The following SPTA1 variants were observed in gnomAD, a reference collection of about 807,000 sequenced individuals.
SPTA1 encodes the protein spectrin alpha, erythrocytic 1.
In SPTA1, 177 loss-of-function variants were observed where a neutral mutation model predicts 324.7. That is an observed-to-expected ratio of 0.55 (90% confidence interval 0.48 to 0.62). The LOEUF is 0.62. Ranked by LOEUF, SPTA1 falls within the 20% of genes least tolerant of loss-of-function variation. The probability of loss-of-function intolerance (pLI) is 0.00; values close to 1 mark genes in which losing one functional copy is unlikely to be tolerated. For synonymous variants in SPTA1, 1,195 were observed against 1,041.3 expected (o/e 1.15, Z -2.84); for missense variants, 3,162 against 2,883.6 (o/e 1.10, Z -2.21).
Position 158,661,343 on chromosome 1 carries a change from C to T in SPTA1, c.2531G>A (p.Ser844Asn), listed in dbSNP as rs777215763. 6 of 1,613,828 alleles carry T rather than the reference C, an allele frequency of 3.7e-6. No homozygotes were observed. The highest frequency in any genetic ancestry group is 1.3e-5 in the African/African-American group (1 of 74,874). Residue 844 changes from serine (S) to asparagine (N), a missense_variant, in exon 18 of 52, where the codon AGC (serine) becomes AAC (asparagine). By Grantham distance (46) the Ser-to-Asn change is conservative. Coordinates refer to ENST00000643759, the MANE Select transcript of SPTA1 (RefSeq NM_003126.4). ...RHRVILENIA[S>N]HEPRIQEITE... is the part of the protein sequence containing the mutation. ...TATCTCTTGAATGCGTGGTTCATGG[C>T]TGGCAATGTTCTCCAGGATGACTCT...
At chr1:158,638,677 A>C (rs78864253) in intron 35 of SPTA1, among the ~76,000 whole-genome samples, 3,318 of 143,964 alleles carry the variant, frequency 0.023, 132 homozygotes, top group African/African-American at 0.081. Flanking sequence ...TTAGCCGGGC[A>C]TGCTGGCGTG....
In SPTA1 at chr1:158,639,840, T is replaced by G. The variant is rs200699129; in HGVS notation, c.4875+30A>C. The G allele has an allele frequency of 3.1e-6, 5 of 1,613,880 alleles. No individual in the cohort carries two copies. In the Admixed American group the frequency reaches 5.0e-5, roughly 16 times the overall value. Reference sequence around the variant, plus strand: ...GTCTGACAAGTATGTATTAAACTCTTGTGTCTCTACTGTTTCCGGGTGCAA... The same window carrying G: ...GTCTGACAAGTATGTATTAAACTCTGGTGTCTCTACTGTTTCCGGGTGCAA... On this transcript the variant is annotated intron_variant, in intron 34 of 51. Transcript: ENST00000643759.
In SPTA1 at chr1:158,645,308, A is replaced by G. The variant is rs897390754; in HGVS notation, c.4074T>C (p.Ser1358=). 4 of 1,613,934 alleles carry G rather than the reference A, an allele frequency of 2.5e-6. No homozygotes were observed. Among genetic ancestry groups the G allele is most frequent in the Non-Finnish European group, 3.4e-6 (4 of 1,179,974 alleles). ...LEDFSAELID[S]GHHASPEIEK... ...CAATTTCAGGGCTAGCATGGTGCCC[A>G]CTGTCGATAAGTTCTGCACTGAAGT... Residue 1358 remains serine, a synonymous_variant, in exon 29 of 52, where the codon AGT becomes AGC. Coordinates refer to ENST00000643759, the MANE Select transcript of SPTA1 (RefSeq NM_003126.4).
chr1:158,641,267 A>C (rs1651548800), intron 33 of SPTA1, among the ~76,000 whole-genome samples: 2 of 152,290 alleles, frequency 1.3e-5, no homozygotes, highest in South Asian at 4.1e-4. Context: ...TTCATGTCTA[A>C]AACACCAAAA....
At chr1:158,621,968 C>T (rs922590508) in intron 43 of SPTA1, among the ~76,000 whole-genome samples, 3 of 152,182 alleles carry the variant, frequency 2.0e-5, no homozygotes, top group Non-Finnish European at 4.4e-5. Flanking sequence ...GGGATCACGC[C>T]GTTCTCCTGC....
chr1:158,618,066 G>A lies in SPTA1; in HGVS notation c.6531-10C>T. 1 of 1,611,496 alleles carries A rather than the reference G, an allele frequency of 6.2e-7. No homozygotes were observed. The highest frequency in any genetic ancestry group is 1.1e-5 in the South Asian group (1 of 91,042). On this transcript the variant is annotated splice_polypyrimidine_tract_variant and intron_variant, in intron 45 of 51. Coordinates refer to ENST00000643759, the MANE Select transcript of SPTA1 (RefSeq NM_003126.4). Reference sequence around the variant, plus strand: ...ATCCAGAAAGTAAGCCCTGGACATGGAGGTCCGGAACAGGAATCACATGAG... The same window carrying A: ...ATCCAGAAAGTAAGCCCTGGACATGAAGGTCCGGAACAGGAATCACATGAG...
chr1:158,650,314 A>C (rs1232101488), intron 24 of SPTA1, among the ~76,000 whole-genome samples: 1 of 152,182 alleles, frequency 6.6e-6, no homozygotes, highest in African/African-American at 2.4e-5. Flanking sequence ...GAATTGAATA[A>C]ACCAGGTAGA....
At chr1:158,655,426 A>T (rs752253688) in intron 20 of SPTA1, among the ~76,000 whole-genome samples, 2 of 152,120 alleles carry the variant, frequency 1.3e-5, no homozygotes, top group African/African-American at 2.4e-5. Context: ...CTTCCTAAGG[A>T]ATGACCCACC....
At chr1:158,639,521 G>A in intron 35 of SPTA1, 61 bp downstream of exon 35, 3 of 1,539,114 alleles carry the variant, frequency 1.9e-6, no homozygotes, top group South Asian at 1.1e-5. Flanking sequence ...TAACATGGGA[G>A]GGAGAAGAGC....
At chr1:158,646,027 AG>A (rs1452801159) in intron 27 of SPTA1, among the ~76,000 whole-genome samples, 1 of 152,190 alleles carries the variant, frequency 6.6e-6, no homozygotes, top group Non-Finnish European at 1.5e-5. Context: ...TAGGGTTTGA[AG>A]ATACATCTTA....
chr1:158,636,842 T>G (rs1651120428), intron 36 of SPTA1, 81 bp from the exon 37 acceptor site: 1 of 1,605,476 alleles, frequency 6.2e-7, no homozygotes, highest in Non-Finnish European at 8.5e-7. Context: ...TATGACTATG[T>G]GTGTGGCTGG....
chr1:158,642,215 C>G (rs1027617730), intron 33 of SPTA1, among the ~76,000 whole-genome samples, 196 bp downstream of exon 33: 1 of 151,762 alleles, frequency 6.6e-6, no homozygotes, highest in East Asian at 1.9e-4. Context: ...TGCTAAATGA[C>G]AAGTTAATGG....
At chr1:158,641,442 T>A (rs1274817057) in intron 33 of SPTA1, among the ~76,000 whole-genome samples, 2 of 152,038 alleles carry the variant, frequency 1.3e-5, no homozygotes, top group Non-Finnish European at 2.9e-5. Flanking sequence ...GAATCTACAA[T>A]GAACTCCAAC....
intron 46 of SPTA1, 30 bp from the exon 47 acceptor site, chr1:158,617,618 C>T (rs774862665): frequency 2.5e-6 from 4 of 1,571,314 alleles, no homozygotes; most frequent in Non-Finnish European, 3.5e-6. Context: ...AATCATTATG[C>T]ATCACATCAC....
At position 158,636,778 on chromosome 1, in the gene SPTA1, A is replaced by G; in HGVS notation, c.5190-17T>C. On this transcript the variant is annotated splice_polypyrimidine_tract_variant and intron_variant, in intron 36 of 51. Transcript: ENST00000643759. ...AACTTCTCCCTAAAATCAAGGAAGAAAACAGAAAGTTTGGAGTCTAGACAT... is the reference window on the plus strand; with the variant it reads ...AACTTCTCCCTAAAATCAAGGAAGAGAACAGAAAGTTTGGAGTCTAGACAT... 1 of 1,613,914 alleles carries G rather than the reference A, an allele frequency of 6.2e-7. No homozygotes were observed. The highest frequency in any genetic ancestry group is 2.2e-5 in the East Asian group (1 of 44,872).
Position 158,678,382 on chromosome 1 carries a change from G to A in SPTA1, c.812+19C>T. 7.4e-6 allele frequency: 12 copies of A among 1,613,382 alleles called. No individual in the cohort carries two copies. The highest frequency in any genetic ancestry group is 1.0e-5 in the Non-Finnish European group (12 of 1,179,498). ...AAAGCACTTCAAAGTTTTCTATAAAGCAGTGGCCAGATCCATACCTTTTGA... is the reference window on the plus strand; with the variant it reads ...AAAGCACTTCAAAGTTTTCTATAAAACAGTGGCCAGATCCATACCTTTTGA... On this transcript the variant is annotated intron_variant, in intron 6 of 51. Coordinates refer to ENST00000643759, the MANE Select transcript of SPTA1 (RefSeq NM_003126.4).
intron 17 of SPTA1, among the ~76,000 whole-genome samples, chr1:158,662,326 T>G (rs1653277771): frequency 6.6e-6 from 1 of 152,148 alleles, no homozygotes; most frequent in Non-Finnish European, 1.5e-5. Context: ...CCCCTGCTAT[T>G]GTCAGAAGAA....
chr1:158,639,245 ATAAAG>A (rs1180294964), intron 35 of SPTA1: 2 of 297,730 alleles, frequency 6.7e-6, no homozygotes, highest in Admixed American at 4.7e-5. Context: ...TTGTAATTCT[ATAAAG>A]TAAACTTCCA....
intron 23 of SPTA1, 43 bp from the exon 24 acceptor site, chr1:158,651,511 A>G (rs1266049524): frequency 2.3e-6 from 3 of 1,333,258 alleles, no homozygotes; most frequent in Non-Finnish European, 2.2e-6. Context: ...ATTCATCCAA[A>G]GCAGTGTAAA....
Sources: allele counts gnomAD v4.1 joint callset (sites outside exome capture counted in the v4.1 genomes callset), GRCh38; gene constraint gnomAD v4.1.1; transcripts MANE v1.5; gene names NCBI Gene and HGNC (gene_info 2026-07-23, HGNC 2026-07-21).